KRABD2: variants seen among roughly 807,000 people sequenced by gnomAD.
KRABD2 encodes KRAB domain containing 2.
chr17:8,373,310 G>C, the KRABD2 span, among the ~76,000 whole-genome samples: 1 of 152,260 alleles, frequency 6.6e-6, no homozygotes, highest in Non-Finnish European at 1.5e-5. Flanking sequence ...GAGTGCCTGG[G>C]ATTGCCCACA....
chr17:8,359,618 A>G, the KRABD2 span: 2 of 455,904 alleles, frequency 4.4e-6, no homozygotes, highest in Non-Finnish European at 8.8e-6. Flanking sequence ...GGTCCAGGAA[A>G]AGCCCAGAAT....
At chr17:8,374,592 CT>C in the KRABD2 span, among the ~76,000 whole-genome samples, 1 of 149,100 alleles carries the variant, frequency 6.7e-6, no homozygotes, top group African/African-American at 2.5e-5. Context: ...CCAAATCCCC[CT>C]CTCTGAGAAA....
the KRABD2 span, among the ~76,000 whole-genome samples, chr17:8,360,941 C>A: frequency 6.6e-6 from 1 of 152,080 alleles, no homozygotes; most frequent in African/African-American, 2.4e-5. Context: ...AATTTGGAAG[C>A]AAGAATGTAA....
chr17:8,359,230 C>T, the KRABD2 span, among the ~76,000 whole-genome samples: 1 of 152,178 alleles, frequency 6.6e-6, no homozygotes, highest in Non-Finnish European at 1.5e-5. Context: ...TTCAGGGCAG[C>T]AGTAGTTGTA....
the KRABD2 span, among the ~76,000 whole-genome samples, chr17:8,375,030 GAGAC>G: frequency 7.3e-6 from 1 of 137,788 alleles, no homozygotes; most frequent in Non-Finnish European, 1.5e-5. Context: ...TTTCTTTTTT[GAGAC>G]AGAGTTTTGC....
chr17:8,366,128 C>CAA, the KRABD2 span, among the ~76,000 whole-genome samples: 4,985 of 149,490 alleles, frequency 0.033, 142 homozygotes, highest in African/African-American at 0.068. Flanking sequence ...GACTCCATCT[C>CAA]AAAAAAAAAA....
At chr17:8,364,615 T>C in the KRABD2 span, among the ~76,000 whole-genome samples, 2 of 152,262 alleles carry the variant, frequency 1.3e-5, no homozygotes, top group African/African-American at 4.8e-5. This position sits in a 1 kb window ranked among gnomAD's most constrained non-coding sequence, Gnocchi z 4.4. Context: ...GTCTCCTCAT[T>C]TGCTGCTGTG....
chr17:8,373,802 G>A, the KRABD2 span: 6 of 164,830 alleles, frequency 3.6e-5, no homozygotes, highest in East Asian at 1.1e-3. Context: ...TGGGATGTGA[G>A]GATCGCCTCT....
At chr17:8,365,247 C>A in the KRABD2 span, among the ~76,000 whole-genome samples, 1 of 152,094 alleles carries the variant, frequency 6.6e-6, no homozygotes, top group African/African-American at 2.4e-5. Flanking sequence ...CCAGGCATCT[C>A]TGGGAAAGCA....
chr17:8,368,444 A>C, the KRABD2 span, among the ~76,000 whole-genome samples: 10 of 152,018 alleles, frequency 6.6e-5, no homozygotes, highest in Non-Finnish European at 1.2e-4. Context: ...AGAAGCAGAG[A>C]CTGGACTTAC....
the KRABD2 span, among the ~76,000 whole-genome samples, chr17:8,361,892 A>G: frequency 6.6e-6 from 1 of 152,354 alleles, no homozygotes; most frequent in Non-Finnish European, 1.5e-5. Flanking sequence ...CTTGACACTT[A>G]GGTTTGAACC....
At chr17:8,375,601 T>C in the KRABD2 span, 4 of 152,012 alleles carry the variant, frequency 2.6e-5, no homozygotes, top group East Asian at 7.7e-4. Context: ...AGTGGCATGA[T>C]CACGGCTCCC....
chr17:8,360,014 TC>T, the KRABD2 span: 1 of 366,264 alleles, frequency 2.7e-6, no homozygotes, highest in African/African-American at 2.1e-5. Context: ...TCTGTGTGAA[TC>T]CCAGAGGAAA....
chr17:8,369,387 T>C, the KRABD2 span: 1 of 1,614,246 alleles, frequency 6.2e-7, no homozygotes, highest in Non-Finnish European at 8.5e-7. Flanking sequence ...AAACATTGCC[T>C]CAAATGGACT....
At chr17:8,373,880 G>GTACCCA in the KRABD2 span, 1 of 159,344 alleles carries the variant, frequency 6.3e-6, no homozygotes, top group Admixed American at 6.5e-5. Flanking sequence ...TCTGGGAGGT[G>GTACCCA]AGGAGCGTCT....
the KRABD2 span, among the ~76,000 whole-genome samples, chr17:8,365,902 C>T: frequency 6.6e-6 from 1 of 151,866 alleles, no homozygotes; most frequent in Admixed American, 6.6e-5. Flanking sequence ...CCAAGACAGG[C>T]GGATCATGAG....
chr17:8,367,504 A>G, the KRABD2 span, among the ~76,000 whole-genome samples: 161 of 150,620 alleles, frequency 1.1e-3, no homozygotes, highest in African/African-American at 3.6e-3. Context: ...GTCTCCAAAA[A>G]AAAAAAAAAT....
At chr17:8,360,453 G>A in the KRABD2 span, among the ~76,000 whole-genome samples, 1 of 152,084 alleles carries the variant, frequency 6.6e-6, no homozygotes, top group Non-Finnish European at 1.5e-5. Context: ...ACCATCTGGG[G>A]TAATTAATTC....
the KRABD2 span, chr17:8,371,444 A>G: frequency 3.3e-5 from 53 of 1,614,218 alleles, no homozygotes; most frequent in Non-Finnish European, 4.5e-5. Context: ...GGCTGCTGCC[A>G]CAGGGACCAT....
Sources: allele counts gnomAD v4.1 joint callset (sites outside exome capture counted in the v4.1 genomes callset), GRCh38; gene constraint gnomAD v4.1.1; non-coding constraint Gnocchi (gnomAD v3.1); transcripts MANE v1.5; gene names NCBI Gene and HGNC (gene_info 2026-07-23, HGNC 2026-07-21).